The following CHD5 variants were observed in gnomAD, a reference collection of about 807,000 sequenced individuals.
CHD5 encodes the protein ATP-dependent chromatin remodeler CHD5.
Under a neutral mutation model 230.3 loss-of-function variants are expected in CHD5, and 69 were observed. That is an observed-to-expected ratio of 0.30 (90% CI 0.25 to 0.37). CHD5 has a LOEUF of 0.37. Among genes scored for constraint, CHD5 ranks in the 10% least tolerant of loss-of-function variants. CHD5 has a pLI of 1.00. For synonymous variants in CHD5, 1,064 were observed against 1,065.9 expected (o/e 1.00, Z 0.03); for missense variants, 1,827 against 2,622.8 (o/e 0.70, Z 6.63).
chr1:6,142,241 A>C lies in CHD5; in HGVS notation c.2323T>G (p.Phe775Val). The C allele has an allele frequency of 6.2e-7, 1 of 1,614,126 alleles. No individual in the cohort carries two copies. Residue 775 changes from phenylalanine (F) to valine (V), a missense_variant, in exon 15 of 42, where the codon TTC becomes GTC. Physicochemically the swap from Phe to Val is conservative, Grantham distance 50 (BLOSUM62 -1). Around this residue, in one of 14 missense-constraint regions of CHD5, gnomAD observed 80 missense variants for 96.4 expected, o/e 0.83. Transcript: ENST00000262450. The surrounding 1 kb of genome is among the most constrained non-coding windows in gnomAD (Gnocchi z 5.2). The part of the protein sequence containing the change: ...EREFEMWAPD[F>V]YVVTYTGDKE... ...TCCCCCGTGTAGGTGACCACGTAGA[A>C]GTCGGGCGCCCACATCTCAAACTCG...
intron 5 of CHD5, 45 bp from the exon 6 acceptor site, chr1:6,152,581 G>A (rs372946053): frequency 7.9e-5 from 127 of 1,610,016 alleles, no homozygotes; most frequent in African/African-American, 1.1e-4. Flanking sequence ...CACCACTGAC[G>A]GCCTGCTTCC....
At chr1:6,171,060 C>T (rs1340478749) in intron 1 of CHD5, among the ~76,000 whole-genome samples, 1 of 152,256 alleles carries the variant, frequency 6.6e-6, no homozygotes, top group Admixed American at 6.5e-5. Flanking sequence ...TGCTTCCTCC[C>T]AGCTGTCCCC....
In CHD5 at chr1:6,105,369, T is replaced by C; in HGVS notation, c.*105A>G. The C allele has an allele frequency of 2.1e-6, 1 of 470,490 alleles. No individual in the cohort carries two copies. Among genetic ancestry groups the C allele is most frequent in the Non-Finnish European group, 4.4e-6 (1 of 226,826 alleles). 29.1% of individuals were successfully genotyped at this position (470,490 alleles called of 1,614,324 possible). On this transcript the variant is annotated 3_prime_UTR_variant, in exon 42 of 42. Coordinates refer to ENST00000262450, the MANE Select transcript of CHD5 (RefSeq NM_015557.3). This position sits in a 1 kb window ranked among gnomAD's most constrained non-coding sequence, Gnocchi z 4.8. ...TTTGTCCCAAGGTGGCGCTGGCTCC[T>C]AAAAAGGTGGCAGCTTTTCTCTCCC...
At chr1:6,136,381 A>G in intron 17 of CHD5, 136 bp downstream of exon 17, 3 of 988,166 alleles carry the variant, frequency 3.0e-6, no homozygotes, top group Non-Finnish European at 4.6e-6. Context: ...AAGCGGGGAC[A>G]TTGCTAATGC....
rs771211793 is a variant in CHD5 at position 6,111,808 on chromosome 1, C to T, written c.5216G>A (p.Arg1739His). The T allele has an allele frequency of 1.5e-5, 24 of 1,613,418 alleles. No homozygotes were observed. Among genetic ancestry groups the T allele is most frequent in the Admixed American group, 1.7e-5 (1 of 60,006 alleles). ...SGKIYDIWHR[R>H]HDYWLLAGIV... ...GCCCGCCAGCAGCCAGTAGTCATGGCGCCGGTGCCAGATGTCGTAGATTTT... is the reference window on the plus strand; with the variant it reads ...GCCCGCCAGCAGCCAGTAGTCATGGTGCCGGTGCCAGATGTCGTAGATTTT... The change falls in exon 36 of 42, where the codon CGC becomes CAC. Residue 1739 changes from arginine to histidine, a missense_variant. By Grantham distance (29) the Arg-to-His change is conservative. This residue lies in a region of CHD5 where 272 missense variants were observed against 263.2 expected (regional missense o/e 1.03). Coordinates refer to ENST00000262450, the MANE Select transcript of CHD5 (RefSeq NM_015557.3).
intron 1 of CHD5, among the ~76,000 whole-genome samples, chr1:6,172,717 A>T (rs1041843810): frequency 2.6e-5 from 4 of 151,922 alleles, no homozygotes; most frequent in Admixed American, 2.6e-4. Flanking sequence ...CACTGAGGTG[A>T]CTCAGGCTGG....
In CHD5 at chr1:6,146,824, C is replaced by G; in HGVS notation, c.1431G>C (p.Trp477Cys). Residue 477 changes from tryptophan to cysteine, a missense_variant, in exon 10 of 42, where the codon TGG becomes TGC. Around this residue, in one of 14 missense-constraint regions of CHD5, gnomAD observed 657 missense variants for 816.4 expected, o/e 0.80. Coordinates refer to ENST00000262450, the MANE Select transcript of CHD5 (RefSeq NM_015557.3). This position sits in a 1 kb window ranked among gnomAD's most constrained non-coding sequence, Gnocchi z 5.1. ...GKVQRILHWR[W>C]TEPPAPFMVG... ...CCATGAAGGGGGCAGGGGGCTCCGT[C>G]CACCTCCAGTGTAGAATCCGCTGGA... The G allele has an allele frequency of 3.2e-6, 5 of 1,568,458 alleles. No individual in the cohort carries two copies. The highest frequency in any genetic ancestry group is 4.3e-6 in the Non-Finnish European group (5 of 1,156,186).
Position 6,124,678 on chromosome 1 carries a change from G to C in CHD5, c.4395-17C>G. The C allele has an allele frequency of 3.2e-6, 2 of 622,092 alleles. No homozygotes were observed. The highest frequency in any genetic ancestry group is 1.9e-5 in the African/African-American group (1 of 53,346). The allele number at this position is 622,092 out of a possible 1,614,324, so 38.5% of individuals were successfully genotyped here. ...ACATAGGCTCTGGGGTGGGGGGGGG[G>C]GACTGGGGCTCAGGGAGTGGGGGGC... On this transcript the variant is annotated splice_polypyrimidine_tract_variant and intron_variant, in intron 29 of 41. Coordinates refer to ENST00000262450, the MANE Select transcript of CHD5 (RefSeq NM_015557.3).
chr1:6,121,707 G>A lies in CHD5; in HGVS notation c.4700-134C>T, dbSNP rs2100839955. The A allele has an allele frequency of 1.6e-6, 1 of 626,440 alleles. No homozygotes were observed. Among genetic ancestry groups the A allele is most frequent in the East Asian group, 2.8e-5 (1 of 35,486 alleles). 38.8% of individuals were successfully genotyped at this position (626,440 alleles called of 1,614,324 possible). On this transcript the variant is annotated intron_variant, in intron 31 of 41. Coordinates refer to ENST00000262450, the MANE Select transcript of CHD5 (RefSeq NM_015557.3). This position sits in a 1 kb window ranked among gnomAD's most constrained non-coding sequence, Gnocchi z 4.5. ...CCACTGCAGCCAAGCACCTCCAGGAGAGACAAGCAGGATCCCCGGCTAAGT... is the reference window on the plus strand; with the variant it reads ...CCACTGCAGCCAAGCACCTCCAGGAAAGACAAGCAGGATCCCCGGCTAAGT...
intron 1 of CHD5, among the ~76,000 whole-genome samples, chr1:6,172,063 G>A (rs1667346696): frequency 6.6e-6 from 1 of 152,254 alleles, no homozygotes; most frequent in Non-Finnish European, 1.5e-5. Context: ...GCTTTCTCCA[G>A]AGCTCCCTCA....
rs1433048980 is a variant in CHD5 at position 6,179,984 on chromosome 1, G to A, written c.40C>T (p.Leu14=). The A allele has an allele frequency of 2.9e-6, 4 of 1,386,814 alleles. No homozygotes were observed. The highest frequency in any genetic ancestry group is 3.8e-6 in the Non-Finnish European group (4 of 1,058,248). The allele number at this position is 1,386,814 out of a possible 1,614,324, so 85.9% of individuals were successfully genotyped here. Residue 14 remains leucine, a synonymous_variant, in exon 1 of 42, where the codon CTG becomes TTG. Transcript: ENST00000262450. ...TCATTCTCCATCTCCTCGGCGAACA[G>A]CCGCGGCAGCTCCTCCTCGGTGCCC... ...PVGTEEELPR[L]FAEEMENEDE...
At chr1:6,152,713 C>T (rs947730540) in intron 5 of CHD5, among the ~76,000 whole-genome samples, 177 bp from the exon 6 acceptor site, 2 of 152,220 alleles carry the variant, frequency 1.3e-5, no homozygotes, top group Admixed American at 6.5e-5. Context: ...AATCACACAG[C>T]AAGTGAGGCA....
Position 6,142,104 on chromosome 1 carries a change from C to T in CHD5, c.2436+24G>A. The T allele has an allele frequency of 6.2e-7, 1 of 1,600,826 alleles. No homozygotes were observed. The highest frequency in any genetic ancestry group is 8.6e-7 in the Non-Finnish European group (1 of 1,168,406). ...CTAGACCGGGGGCCTTCCTACCGTC[C>T]TTCCAAGGATAGCGAGCCCTCACCT... On this transcript the variant is annotated intron_variant, in intron 15 of 41. Coordinates refer to ENST00000262450, the MANE Select transcript of CHD5 (RefSeq NM_015557.3). This position sits in a 1 kb window ranked among gnomAD's most constrained non-coding sequence, Gnocchi z 5.2.
At chr1:6,119,846 T>C (rs1183183623) in intron 33 of CHD5, among the ~76,000 whole-genome samples, 2 of 138,886 alleles carry the variant, frequency 1.4e-5, no homozygotes, top group African/African-American at 5.2e-5. Flanking sequence ...TATATATGTG[T>C]GTATTATATA....
Position 6,131,762 on chromosome 1 carries a change from G to T in CHD5, c.3145-14C>A. On this transcript the variant is annotated splice_polypyrimidine_tract_variant and intron_variant, in intron 20 of 41. Coordinates refer to ENST00000262450, the MANE Select transcript of CHD5 (RefSeq NM_015557.3). This position sits in a 1 kb window ranked among gnomAD's most constrained non-coding sequence, Gnocchi z 5.0. ...CATCTTGGTCATCTGCAGGGGAGAC[G>T]GGCACGTGAGGAACTGCCAAGGAGC... 1.3e-6 allele frequency: 2 copies of T among 1,559,502 alleles called. No individual in the cohort carries two copies. Among genetic ancestry groups the T allele is most frequent in the Non-Finnish European group, 1.8e-6 (2 of 1,131,524 alleles).
chr1:6,138,877 C>G (rs1666784762), intron 15 of CHD5, among the ~76,000 whole-genome samples: 1 of 152,214 alleles, frequency 6.6e-6, no homozygotes, highest in Non-Finnish European at 1.5e-5. Context: ...TGCTCAACAA[C>G]AGATGAACAG....
chr1:6,135,533 G>A (rs1369325531), intron 17 of CHD5, 130 bp from the exon 18 acceptor site: 14 of 754,446 alleles, frequency 1.9e-5, no homozygotes, highest in South Asian at 7.3e-5. Context: ...CCTGGATATC[G>A]TCTCAATTTC....
Position 6,124,114 on chromosome 1 carries a change from T to C in CHD5, c.4540-7A>G. The stretch of plus-strand genomic sequence containing the variant: ...CATGCTCAAACTCCTGAACCTGGGG[T>C]GGTGGGAGGGAAGGTGGAAGGGAAA... On this transcript the variant is annotated splice_polypyrimidine_tract_variant and splice_region_variant and intron_variant, in intron 30 of 41. Coordinates refer to ENST00000262450, the MANE Select transcript of CHD5 (RefSeq NM_015557.3). 3 of 1,610,342 alleles carry C rather than the reference T, an allele frequency of 1.9e-6. No homozygotes were observed. Among genetic ancestry groups the C allele is most frequent in the Non-Finnish European group, 1.7e-6 (2 of 1,178,506 alleles).
intron 25 of CHD5, chr1:6,127,013 A>C: frequency 1.9e-6 from 1 of 513,506 alleles, no homozygotes; most frequent in Non-Finnish European, 3.5e-6. Flanking sequence ...TGAGGTACTG[A>C]GTTGAATAAG....
Sources: allele counts gnomAD v4.1 joint callset (sites outside exome capture counted in the v4.1 genomes callset), GRCh38; gene constraint gnomAD v4.1.1; regional missense constraint gnomAD v4.1.1; non-coding constraint Gnocchi (gnomAD v3.1); transcripts MANE v1.5; gene names NCBI Gene and HGNC (gene_info 2026-07-23, HGNC 2026-07-21).